AKAP8L: variants seen among roughly 807,000 people sequenced by gnomAD.
AKAP8L encodes A-kinase anchor protein 8-like.
In AKAP8L, 34 loss-of-function variants were observed where a neutral mutation model predicts 77.5. The ratio of observed to expected loss-of-function variants is 0.44; its 90% confidence interval spans 0.33 to 0.58. The LOEUF (loss-of-function observed/expected upper bound fraction) is 0.58, where lower values mean the gene tolerates loss of function less well. Ranked by LOEUF, AKAP8L falls within the 20% of genes least tolerant of loss-of-function variation. The pLI, the probability that AKAP8L is intolerant of heterozygous loss-of-function variation, is 0.02. For missense variants in AKAP8L, 806 were observed against 887.6 expected (o/e 0.91, Z 1.17); for synonymous variants, 342 against 340.7 (o/e 1.00, Z -0.04).
rs747313272 is a variant in AKAP8L at position 15,401,472 on chromosome 19, C to T, written c.494G>A (p.Arg165His). 10 of 1,613,808 alleles carry T rather than the reference C, an allele frequency of 6.2e-6. No individual in the cohort carries two copies. Among genetic ancestry groups the T allele is most frequent in the Middle Eastern group, 1.6e-4 (1 of 6,062 alleles). The change falls in exon 5 of 14, where the codon CGC becomes CAC. Residue 165 changes from arginine (R) to histidine (H), a missense_variant. By Grantham distance (29) the Arg-to-His change is conservative (BLOSUM62 0). Transcript: ENST00000397410. The surrounding 1 kb of genome is among the most constrained non-coding windows in gnomAD (Gnocchi z 6.2). ...MAYEGQYDAY[R>H]DQFRMRGNDT... is the part of the protein sequence containing the mutation. ...GTTGCCACGCATGCGGAACTGGTCG[C>T]GGTAGGCATCGTATTGGCCCTCATA...
chr19:15,400,714 C>A, intron 7 of AKAP8L, 80 bp downstream of exon 7: 1 of 1,529,846 alleles, frequency 6.5e-7, no homozygotes, highest in South Asian at 1.1e-5. Context: ...AGCATTGCCT[C>A]TGGCCCCCAG....
chr19:15,399,487 A>G lies in AKAP8L; in HGVS notation c.1049-77T>C, dbSNP rs900602817. 199 of 1,060,810 alleles carry G rather than the reference A, an allele frequency of 1.9e-4. No homozygotes were observed. In the Middle Eastern group the frequency reaches 2.6e-3, roughly 14 times the overall value. The allele number at this position is 1,060,810 out of a possible 1,614,324, so 65.7% of individuals were successfully genotyped here. ...AGGCCCTGCGGCCTCTGGCTGAATCACCCACTGTCCACTCCAGAGGGTCCA... is the reference window on the plus strand; with the variant it reads ...AGGCCCTGCGGCCTCTGGCTGAATCGCCCACTGTCCACTCCAGAGGGTCCA... On this transcript the variant is annotated intron_variant, in intron 8 of 13. Coordinates refer to ENST00000397410, the MANE Select transcript of AKAP8L (RefSeq NM_014371.4). This position sits in a 1 kb window ranked among gnomAD's most constrained non-coding sequence, Gnocchi z 6.1.
At chr19:15,389,787 C>G (rs1413710217) in intron 12 of AKAP8L, among the ~76,000 whole-genome samples, 1 of 151,888 alleles carries the variant, frequency 6.6e-6, no homozygotes, top group African/African-American at 2.4e-5. Context: ...AAAAAACCAG[C>G]CCAACAAACT....
intron 1 of AKAP8L, among the ~76,000 whole-genome samples, chr19:15,414,199 G>A (rs1487123023): frequency 6.6e-6 from 1 of 151,694 alleles, no homozygotes; most frequent in African/African-American, 2.4e-5. Context: ...CGAGTAGCTG[G>A]GATTACAGGC....
At position 15,401,414 on chromosome 19, in the gene AKAP8L, G is replaced by T; in HGVS notation, c.552C>A (p.Ala184=). The T allele has an allele frequency of 6.2e-7, 1 of 1,613,372 alleles. No individual in the cohort carries two copies. Among genetic ancestry groups the T allele is most frequent in the East Asian group, 2.2e-5 (1 of 44,880 alleles). Residue 184 remains alanine, a synonymous_variant, in exon 5 of 14, where the codon GCC becomes GCA. Coordinates refer to ENST00000397410, the MANE Select transcript of AKAP8L (RefSeq NM_014371.4). The surrounding 1 kb of genome is among the most constrained non-coding windows in gnomAD (Gnocchi z 6.2). ...DTFGPRAQGW[A]RDARSGRPMA... is the part of the protein sequence containing the mutation. ...TTGGCCGGCCGCTCCGGGCATCCCG[G>T]GCCCAGCCCTGTGCCCTGGGACCGA...
rs954308668 is a variant in AKAP8L at position 15,401,927 on chromosome 19, C to G, written c.363-324G>C. Among the ~76,000 whole-genome samples, 2 of 152,220 alleles carry G rather than the reference C, an allele frequency of 1.3e-5. No homozygotes were observed. The highest frequency in any genetic ancestry group is 4.8e-5 in the African/African-American group (2 of 41,458). On this transcript the variant is annotated intron_variant, in intron 4 of 13. Transcript: ENST00000397410. The surrounding 1 kb of genome is among the most constrained non-coding windows in gnomAD (Gnocchi z 6.2). ...AGCCCTTTGGGAACATGTACACCATCTGTGGGAGCTGCAACGCCCAAGGCT... is the reference window on the plus strand; with the variant it reads ...AGCCCTTTGGGAACATGTACACCATGTGTGGGAGCTGCAACGCCCAAGGCT...
At chr19:15,418,665 G>T (rs1310472502) in intron 1 of AKAP8L, among the ~76,000 whole-genome samples, 1 of 152,206 alleles carries the variant, frequency 6.6e-6, no homozygotes, top group Non-Finnish European at 1.5e-5. Context: ...CGGACCCACG[G>T]ACACAGGCGA....
intron 12 of AKAP8L, among the ~76,000 whole-genome samples, chr19:15,393,213 T>G (rs990569284): frequency 6.6e-6 from 1 of 152,148 alleles, no homozygotes; most frequent in Non-Finnish European, 1.5e-5. Context: ...AAGACCTAAC[T>G]GCAAAAGCTA....
intron 12 of AKAP8L, among the ~76,000 whole-genome samples, chr19:15,382,728 T>A (rs1967444514): frequency 6.6e-6 from 1 of 152,212 alleles, no homozygotes; most frequent in African/African-American, 2.4e-5. Context: ...GCTACTCTCA[T>A]GAGGCTGATG....
chr19:15,417,796 C>T (rs977650494), intron 1 of AKAP8L: 1 of 152,232 alleles, frequency 6.6e-6, no homozygotes, highest in East Asian at 1.9e-4. Context: ...CCTATAATAC[C>T]CTCACCAAAC....
intron 12 of AKAP8L, among the ~76,000 whole-genome samples, chr19:15,389,408 G>C (rs1242034308): frequency 6.6e-6 from 1 of 151,758 alleles, no homozygotes; most frequent in Non-Finnish European, 1.5e-5. Flanking sequence ...GAAAGGAGTA[G>C]GAAAACAAAA....
At chr19:15,386,603 C>G (rs1967543094) in intron 12 of AKAP8L, among the ~76,000 whole-genome samples, 1 of 152,190 alleles carries the variant, frequency 6.6e-6, no homozygotes, top group African/African-American at 2.4e-5. Flanking sequence ...CTGCCCGCAT[C>G]TACCCAGATC....
Position 15,397,088 on chromosome 19 carries a change from C to A in AKAP8L, c.1536+62G>T, listed in dbSNP as rs1967790847. ...GCTGGCAGAGGTTCCAACTGCACAA[C>A]CTCCCCAGAGGCCTCACTCAATCTA... is the stretch of plus-strand genomic sequence containing the variant. On this transcript the variant is annotated intron_variant, in intron 12 of 13. Coordinates refer to ENST00000397410, the MANE Select transcript of AKAP8L (RefSeq NM_014371.4). The surrounding 1 kb of genome is among the most constrained non-coding windows in gnomAD (Gnocchi z 4.7). The A allele has an allele frequency of 1.9e-6, 3 of 1,597,676 alleles. No homozygotes were observed. Among genetic ancestry groups the A allele is most frequent in the Admixed American group, 1.7e-5 (1 of 59,576 alleles).
chr19:15,405,916 T>C (rs1421667108), intron 2 of AKAP8L, among the ~76,000 whole-genome samples: 1 of 150,484 alleles, frequency 6.6e-6, no homozygotes, highest in East Asian at 1.9e-4. Context: ...AGCGAGACTC[T>C]GTCTCAAAAA....
chr19:15,415,661 C>T (rs984680362), intron 1 of AKAP8L, among the ~76,000 whole-genome samples: 8 of 152,002 alleles, frequency 5.3e-5, no homozygotes, highest in South Asian at 2.1e-4. Flanking sequence ...CCAGGGAGGG[C>T]GGATCACAAG....
At chr19:15,400,443 T>A in intron 7 of AKAP8L, 85 bp from the exon 8 acceptor site, 1 of 1,346,740 alleles carries the variant, frequency 7.4e-7, no homozygotes. Context: ...CAACGGTATA[T>A]AGTAAAACAG....
At chr19:15,417,425 C>T (rs924507057) in intron 1 of AKAP8L, among the ~76,000 whole-genome samples, 7 of 152,114 alleles carry the variant, frequency 4.6e-5, no homozygotes, top group East Asian at 1.9e-4. Flanking sequence ...TACTTCTTTG[C>T]GGTAGGTGTC....
Position 15,401,007 on chromosome 19 carries a change from C to G in AKAP8L, c.853G>C (p.Asp285His). ...CGGGTGGCTTTGCTATCTGGCTCAT[C>G]AGGACTGCCGCCCTGCTTTCTCTTC... ...KKKRKQGGSP[D>H]EPDSKATRTD... Residue 285 changes from aspartate to histidine, a missense_variant, in exon 6 of 14, where the codon GAT (aspartate) becomes CAT (histidine). Coordinates refer to ENST00000397410, the MANE Select transcript of AKAP8L (RefSeq NM_014371.4). This position sits in a 1 kb window ranked among gnomAD's most constrained non-coding sequence, Gnocchi z 6.2. 1.2e-6 allele frequency: 2 copies of G among 1,613,926 alleles called. No homozygotes were observed. Among genetic ancestry groups the G allele is most frequent in the Non-Finnish European group, 1.7e-6 (2 of 1,179,890 alleles).
At chr19:15,414,059 CTTTTTTTT>C (rs755252182) in intron 1 of AKAP8L, among the ~76,000 whole-genome samples, 4 of 119,986 alleles carry the variant, frequency 3.3e-5, no homozygotes, top group African/African-American at 9.5e-5. Flanking sequence ...ATGAATAATT[CTTTTTTTT>C]TTTTTTTTTT....
Sources: gnomAD v4.1 joint callset for allele counts (sites outside exome capture counted in the v4.1 genomes callset) on GRCh38, gnomAD v4.1.1 for gene constraint, Gnocchi (gnomAD v3.1) non-coding constraint, MANE v1.5 for transcripts, NCBI Gene and HGNC (gene_info 2026-07-23, HGNC 2026-07-21) for gene names.